Variants in PLA2G4F observed in about 807,000 individuals in gnomAD.
PLA2G4F encodes the protein cytosolic phospholipase A2 zeta.
PLA2G4F carries 105 observed loss-of-function variants against 103.1 expected under a neutral mutation model. The observed-to-expected ratio is 1.02, with a 90% confidence interval of 0.87 to 1.20. The LOEUF is 1.20. PLA2G4F is among the 50% of genes most tolerant of loss of function. PLA2G4F has a pLI of 0.00. For missense variants in PLA2G4F, 1,155 were observed against 1,075.9 expected (o/e 1.07, Z -1.03); for synonymous variants, 468 against 441.1 (o/e 1.06, Z -0.76).
At chr15:42,145,986 T>C (rs1566878677) in intron 14 of PLA2G4F, 83 bp from the exon 15 acceptor site, 2 of 1,594,628 alleles carry the variant, frequency 1.3e-6, no homozygotes, top group East Asian at 2.2e-5. Context: ...GCCTTGACAA[T>C]GACAGGAAGA....
At chr15:42,148,156 T>C (rs1482598186) in intron 11 of PLA2G4F, among the ~76,000 whole-genome samples, 1 of 129,258 alleles carries the variant, frequency 7.7e-6, no homozygotes, top group Non-Finnish European at 1.5e-5. Context: ...CACTCCAGCC[T>C]GGGCGACAGA....
intron 4 of PLA2G4F, 137 bp downstream of exon 4, chr15:42,153,955 A>G (rs1430311245): frequency 4.1e-5 from 55 of 1,355,358 alleles, no homozygotes; most frequent in Non-Finnish European, 5.2e-5. Context: ...GGAGACCTTT[A>G]TAGGGTCAGG....
chr15:42,155,697 G>A, intron 1 of PLA2G4F, 108 bp from the exon 2 acceptor site: 1 of 1,104,728 alleles, frequency 9.1e-7, no homozygotes, highest in Non-Finnish European at 1.3e-6. Context: ...TAGGGTCACT[G>A]ACGTCTCTGT....
intron 8 of PLA2G4F, 41 bp downstream of exon 8, chr15:42,150,567 G>C: frequency 1.3e-6 from 2 of 1,596,926 alleles, no homozygotes; most frequent in Non-Finnish European, 8.5e-7. Context: ...CGCCAGTCTG[G>C]GCTGAGTTGG....
rs1029195724 is a variant in PLA2G4F at position 42,149,807 on chromosome 15, T to C, written c.965A>G (p.Asp322Gly). ...LDLRLGFDLS[D>G]GEQEFLDRRK... Reference sequence around the variant, plus strand: ...CCTGTCCAGAAACTCCTGCTCCCCGTCAGAGAGGTCAAAGCCAAGGCGTAG... The same window carrying C: ...CCTGTCCAGAAACTCCTGCTCCCCGCCAGAGAGGTCAAAGCCAAGGCGTAG... Residue 322 changes from aspartate (D) to glycine (G), a missense_variant, in exon 11 of 20, where the codon GAC becomes GGC. This residue lies in a region of PLA2G4F where 782 missense variants were observed against 692.9 expected (regional missense o/e 1.13). Transcript: ENST00000397272. 2 of 1,614,004 alleles carry C rather than the reference T, an allele frequency of 1.2e-6. No homozygotes were observed. Among genetic ancestry groups the C allele is most frequent in the Non-Finnish European group, 1.7e-6 (2 of 1,180,018 alleles).
chr15:42,146,356 C>A, intron 13 of PLA2G4F, 115 bp from the exon 14 acceptor site: 1 of 980,106 alleles, frequency 1.0e-6, no homozygotes, highest in Non-Finnish European at 1.5e-6. Flanking sequence ...GGCTTTGGGT[C>A]GCCAAGGCCA....
At chr15:42,148,852 C>A in intron 11 of PLA2G4F, 1 of 985,470 alleles carries the variant, frequency 1.0e-6, no homozygotes, top group Non-Finnish European at 1.2e-6. Context: ...TCCCTGGCCA[C>A]TGCTCACAGA....
chr15:42,143,295 G>T (rs538972181), intron 18 of PLA2G4F, among the ~76,000 whole-genome samples: 1 of 151,688 alleles, frequency 6.6e-6, no homozygotes, highest in East Asian at 1.9e-4. Context: ...TTCCGCCATG[G>T]TCCTCCAGGA....
intron 4 of PLA2G4F, among the ~76,000 whole-genome samples, 171 bp from the exon 5 acceptor site, chr15:42,153,831 C>A (rs536152073): frequency 1.3e-5 from 2 of 152,316 alleles, no homozygotes; most frequent in East Asian, 3.9e-4. Context: ...CTCATTTATT[C>A]CAAAATATGT....
rs376356935 is a variant in PLA2G4F at position 42,140,989 on chromosome 15, G to C, written c.*995C>G. 5.9e-6 allele frequency: 2 copies of C among 340,534 alleles called. No individual in the cohort carries two copies. The highest frequency in any genetic ancestry group is 1.2e-5 in the Non-Finnish European group (2 of 171,844). 21.1% of individuals were successfully genotyped at this position (340,534 alleles called of 1,614,324 possible). On this transcript the variant is annotated 3_prime_UTR_variant, in exon 20 of 20. Coordinates refer to ENST00000397272, the MANE Select transcript of PLA2G4F (RefSeq NM_213600.4). ...TATTTGGAGAGTCCCTGGCGGGTCA[G>C]GGGAAATGGAGAAGAGGGAGAGTGA...
chr15:42,153,836 A>G (rs76841924), intron 4 of PLA2G4F, among the ~76,000 whole-genome samples, 176 bp from the exon 5 acceptor site: 3,465 of 152,328 alleles, frequency 0.023, 141 homozygotes, highest in African/African-American at 0.08. Flanking sequence ...TTATTCCAAA[A>G]TATGTGTCAG....
Position 42,145,653 on chromosome 15 carries a change from G to A in PLA2G4F, c.1702C>T (p.Leu568=). 6.2e-7 allele frequency: 1 copy of A among 1,614,124 alleles called. No homozygotes were observed. ...GCGGTCTTTAGGAAGATCTCATCCA[G>A]GCTGGTGGCAAAGGCGCTGCCCCAC... is the stretch of plus-strand genomic sequence containing the variant. ...GMWGSAFATS[L]DEIFLKTAGS... is the part of the protein sequence containing the mutation. The change falls in exon 16 of 20, where the codon CTG becomes TTG. Residue 568 remains leucine, a synonymous_variant. Transcript: ENST00000397272.
At chr15:42,142,343 A>AC in intron 19 of PLA2G4F, 139 bp from the exon 20 acceptor site, 3 of 1,149,272 alleles carry the variant, frequency 2.6e-6, no homozygotes, top group Admixed American at 2.8e-5. Context: ...CAGCTCTCAG[A>AC]CCCCCCAGGA....
chr15:42,147,367 T>C, intron 12 of PLA2G4F, 21 bp from the exon 13 acceptor site: 4 of 1,595,010 alleles, frequency 2.5e-6, no homozygotes, highest in Non-Finnish European at 3.4e-6. Context: ...GAGGTGTGCC[T>C]GAGTCAGGGG....
chr15:42,152,841 G>A (rs1234717619), intron 6 of PLA2G4F, 87 bp from the exon 7 acceptor site: 7 of 1,299,854 alleles, frequency 5.4e-6, no homozygotes, highest in Non-Finnish European at 7.4e-6. Flanking sequence ...GGCAGGGTCT[G>A]GGAAACAGCC....
chr15:42,150,312 C>T, intron 9 of PLA2G4F, 61 bp downstream of exon 9: 1 of 1,542,388 alleles, frequency 6.5e-7, no homozygotes, highest in Non-Finnish European at 8.8e-7. Context: ...CTCCTCCAGA[C>T]CTCTCTTGGT....
chr15:42,154,050 CCCT>C (rs1370980750), intron 4 of PLA2G4F, 39 bp downstream of exon 4: 2 of 1,612,684 alleles, frequency 1.2e-6, no homozygotes, highest in Non-Finnish European at 8.5e-7. Flanking sequence ...GCTGGGCCTC[CCCT>C]CCTCCAGCTG....
intron 12 of PLA2G4F, 128 bp from the exon 13 acceptor site, chr15:42,147,474 G>A: frequency 7.3e-7 from 1 of 1,373,374 alleles, no homozygotes. Flanking sequence ...ACCCAACTCA[G>A]AGGGGCGCTT....
rs1595625122 is a variant in PLA2G4F, at chr15:42,154,218, G to A, written c.324C>T (p.Asn108=). 2.5e-6 allele frequency: 4 copies of A among 1,614,086 alleles called. No individual in the cohort carries two copies. Among genetic ancestry groups the A allele is most frequent in the African/African-American group, 1.3e-5 (1 of 74,936 alleles). ...TGTCATAGAGGGTGAGCTCCAGGAC[G>A]TTCTGGGGACAAGGCAGGCAGGAGG... ...FHYQIHGAVK[N]VLELTLYDKD... Residue 108 remains asparagine (N), a splice_region_variant and synonymous_variant, in exon 4 of 20, where the codon AAC becomes AAT. Transcript: ENST00000397272.
Sources: gnomAD v4.1 joint callset for allele counts (sites outside exome capture counted in the v4.1 genomes callset) on GRCh38, gnomAD v4.1.1 for gene constraint, gnomAD v4.1.1 regional missense constraint, MANE v1.5 for transcripts, NCBI Gene and HGNC (gene_info 2026-07-23, HGNC 2026-07-21) for gene names.